Variants in BOP1 observed in about 807,000 individuals in gnomAD.
BOP1 encodes the protein ribosome biogenesis protein BOP1.
In BOP1, 54 loss-of-function variants were observed where a neutral mutation model predicts 82.9. The observed-to-expected ratio is 0.65, with a 90% CI of 0.52 to 0.82. BOP1 has a LOEUF of 0.82. BOP1 is among the 40% of genes least tolerant of loss of function. The probability of loss-of-function intolerance (pLI) is 0.00; values close to 1 mark genes in which losing one functional copy is unlikely to be tolerated. For missense variants in BOP1, 1,170 were observed against 1,072.0 expected, an observed-to-expected ratio of 1.09 and a Z score of -1.28; for synonymous variants, 566 against 451.1, an observed-to-expected ratio of 1.25 and a Z score of -3.23.
intron 3 of BOP1, among the ~76,000 whole-genome samples, chr8:144,271,406 C>G (rs1410759572): frequency 2.0e-5 from 3 of 152,082 alleles, no homozygotes; most frequent in Admixed American, 6.5e-5. Flanking sequence ...ACCTGTCCCC[C>G]GGGAGCGTGG....
chr8:144,271,107 G>C (rs1245058482), intron 3 of BOP1, among the ~76,000 whole-genome samples: 2 of 151,352 alleles, frequency 1.3e-5, no homozygotes, highest in South Asian at 2.1e-4. Flanking sequence ...GGCACACACA[G>C]ACCCAGCATC....
chr8:144,262,840 C>A lies in BOP1; in HGVS notation c.1894+13G>T. On this transcript the variant is annotated intron_variant, in intron 13 of 15. Coordinates refer to ENST00000569669, the MANE Select transcript of BOP1 (RefSeq NM_015201.5). ...ACCCCTCACCTGCAGGGTGCACCGCCCCCACCCCTCACCTGCAGGGTGCAC... is the reference window on the plus strand; with the variant it reads ...ACCCCTCACCTGCAGGGTGCACCGCACCCACCCCTCACCTGCAGGGTGCAC... 9.7e-7 allele frequency: 1 copy of A among 1,032,198 alleles called. No individual in the cohort carries two copies. The highest frequency in any genetic ancestry group is 1.3e-6 in the Non-Finnish European group (1 of 752,794). The allele number at this position is 1,032,198 out of a possible 1,614,324, so 63.9% of individuals were successfully genotyped here. A position where few individuals can be genotyped will look rare whatever the true frequency, so the allele number is the denominator to read the frequency against.
intron 3 of BOP1, among the ~76,000 whole-genome samples, chr8:144,273,822 C>T (rs903148011): frequency 1.3e-5 from 2 of 150,850 alleles, no homozygotes; most frequent in Non-Finnish European, 2.9e-5. Flanking sequence ...GGCAGGACCC[C>T]AGCCAGGCCC....
At position 144,264,093 on chromosome 8, in the gene BOP1, A is replaced by G; in HGVS notation, c.1028T>C (p.Leu343Ser). The G allele has an allele frequency of 6.2e-6, 10 of 1,610,418 alleles. No homozygotes were observed. The highest frequency in any genetic ancestry group is 8.5e-6 in the Non-Finnish European group (10 of 1,179,422). Reference protein sequence around the residue: ...QEPGERKLSFLPRKFPSLRAV... With the variant: ...QEPGERKLSFSPRKFPSLRAV... ...CCGCAGGCTCGGGAACTTGCGTGGCAAAAAGCTCAGCTTCCTCTCGCCTGG... is the reference window on the plus strand; with the variant it reads ...CCGCAGGCTCGGGAACTTGCGTGGCGAAAAGCTCAGCTTCCTCTCGCCTGG... The change falls in exon 8 of 16, where the codon TTG (leucine) becomes TCG (serine). Residue 343 changes from leucine (L) to serine (S), a missense_variant. Coordinates refer to ENST00000569669, the MANE Select transcript of BOP1 (RefSeq NM_015201.5).
chr8:144,262,765 ACTGCC>A, intron 13 of BOP1, 83 bp downstream of exon 13: 1 of 1,404,446 alleles, frequency 7.1e-7, no homozygotes, highest in Non-Finnish European at 9.5e-7. Context: ...TGCAGGGTGC[ACTGCC>A]CCTACCCCCA....
At chr8:144,286,441 G>C (rs1718870970) in intron 2 of BOP1, among the ~76,000 whole-genome samples, 1 of 128,572 alleles carries the variant, frequency 7.8e-6, no homozygotes, top group African/African-American at 2.9e-5. Context: ...TAAAGCACAG[G>C]ACACGCGGGC....
At chr8:144,271,373 T>A (rs1845489701) in intron 3 of BOP1, among the ~76,000 whole-genome samples, 1 of 151,682 alleles carries the variant, frequency 6.6e-6, no homozygotes, top group Non-Finnish European at 1.5e-5. Flanking sequence ...AATCCTTCAC[T>A]CTCTCCTCGT....
chr8:144,262,800 ACCGCCCCCCCCC>A, intron 13 of BOP1, 41 bp downstream of exon 13: 1 of 459,726 alleles, frequency 2.2e-6, no homozygotes, highest in Non-Finnish European at 3.5e-6. Context: ...TGCAGGGTAC[ACCGCCCCCCCCC>A]CCACCCCTCA....
At chr8:144,273,655 C>G (rs1239432077) in intron 3 of BOP1, among the ~76,000 whole-genome samples, 2 of 152,246 alleles carry the variant, frequency 1.3e-5, no homozygotes, top group African/African-American at 4.8e-5. Context: ...GCCCCCTTGC[C>G]CCGCCCCTCC....
intron 3 of BOP1, among the ~76,000 whole-genome samples, chr8:144,275,310 G>C (rs1444487912): frequency 6.6e-6 from 1 of 152,150 alleles, no homozygotes; most frequent in Admixed American, 6.5e-5. Flanking sequence ...CACTGAGGAG[G>C]GTATAGGCAG....
Position 144,264,906 on chromosome 8 carries a change from C to A in BOP1, c.545+11G>T. The A allele has an allele frequency of 6.2e-7, 1 of 1,611,066 alleles. No individual in the cohort carries two copies. Among genetic ancestry groups the A allele is most frequent in the South Asian group, 1.1e-5 (1 of 90,962 alleles). On this transcript the variant is annotated intron_variant, in intron 4 of 15. Coordinates refer to ENST00000569669, the MANE Select transcript of BOP1 (RefSeq NM_015201.5). ...CACCCCGGCTGCTGGCCCCACCCCA[C>A]CAGCCCTCACCAGTAGTCAGGATCG...
chr8:144,266,469 G>C (rs1845366677), intron 3 of BOP1: 5 of 981,858 alleles, frequency 5.1e-6, no homozygotes, highest in Non-Finnish European at 6.0e-6. Flanking sequence ...GGACGCACAT[G>C]TGCGCGCGAC....
chr8:144,267,109 C>G, intron 3 of BOP1: 1 of 1,462,518 alleles, frequency 6.8e-7, no homozygotes. Flanking sequence ...CCCGCCGCCT[C>G]CCGCCCGCGA....
rs1252911716 is a variant in BOP1 at position 144,265,018 on chromosome 8, G to A, written c.444C>T (p.Pro148=). The A allele has an allele frequency of 9.3e-6, 15 of 1,612,312 alleles. No homozygotes were observed. In the East Asian group the frequency reaches 2.0e-4, roughly 22 times the overall value. ...NVPLEWYDDF[P]HVGYDLDGRR... is the part of the protein sequence containing the mutation. ...TGCCATCCAGGTCGTAGCCCACGTGGGGGAAGTCATCGTACCACTCCAAGG... is the reference window on the plus strand; with the variant it reads ...TGCCATCCAGGTCGTAGCCCACGTGAGGGAAGTCATCGTACCACTCCAAGG... Residue 148 remains proline (P), a synonymous_variant, in exon 4 of 16, where the codon CCC becomes CCT. Transcript: ENST00000569669.
chr8:144,278,164 A>G (rs1328692208), intron 2 of BOP1, among the ~76,000 whole-genome samples: 5 of 152,156 alleles, frequency 3.3e-5, no homozygotes, highest in African/African-American at 1.2e-4. Context: ...TGGGCGGGCG[A>G]GCGCCACTGG....
At chr8:144,270,544 C>T (rs998018332) in intron 3 of BOP1, among the ~76,000 whole-genome samples, 11 of 152,208 alleles carry the variant, frequency 7.2e-5, no homozygotes, top group Admixed American at 2.6e-4. Flanking sequence ...TGAGCTGCAC[C>T]GGTAGCAGCG....
intron 13 of BOP1, 39 bp downstream of exon 13, chr8:144,262,814 C>CT: frequency 1.2e-6 from 1 of 809,630 alleles, no homozygotes; most frequent in Non-Finnish European, 1.8e-6. Flanking sequence ...CCCCCCCCCC[C>CT]ACCCCTCACC....
intron 3 of BOP1, among the ~76,000 whole-genome samples, chr8:144,274,121 G>T (rs997541507): frequency 1.3e-5 from 2 of 152,102 alleles, no homozygotes; most frequent in Non-Finnish European, 2.9e-5. Context: ...AGCTTGGCCC[G>T]AGACCTTCTC....
In BOP1 at chr8:144,291,386, G is replaced by A. The variant is rs1249672061; in HGVS notation, c.-16C>T. 11 of 1,184,262 alleles carry A rather than the reference G, an allele frequency of 9.3e-6. No individual in the cohort carries two copies. Among genetic ancestry groups the A allele is most frequent in the East Asian group, 8.0e-5 (2 of 25,130 alleles). 73.4% of individuals were successfully genotyped at this position (1,184,262 alleles called of 1,614,324 possible). Reference sequence around the variant, plus strand: ...AACCCGCCATGCCCCACCGCGCGCCGGCCGCCACCCGCACAGCCGCTTCCG... The same window carrying A: ...AACCCGCCATGCCCCACCGCGCGCCAGCCGCCACCCGCACAGCCGCTTCCG... On this transcript the variant is annotated 5_prime_UTR_variant, in exon 1 of 16. Transcript: ENST00000569669. The surrounding 1 kb of genome is among the most constrained non-coding windows in gnomAD (Gnocchi z 4.1).
Sources: allele counts gnomAD v4.1 joint callset (sites outside exome capture counted in the v4.1 genomes callset), GRCh38; gene constraint gnomAD v4.1.1; non-coding constraint Gnocchi (gnomAD v3.1); transcripts MANE v1.5; gene names NCBI Gene and HGNC (gene_info 2026-07-23, HGNC 2026-07-21).